Variants in LRRC8D observed in about 807,000 individuals in gnomAD.
LRRC8D encodes the protein volume-regulated anion channel subunit LRRC8D.
Under a neutral mutation model 55.8 loss-of-function variants are expected in LRRC8D, and 20 were observed. The observed-to-expected ratio is 0.36, with a 90% CI of 0.25 to 0.52. LRRC8D has a LOEUF of 0.52. Ranked by LOEUF, LRRC8D falls within the 20% of genes least tolerant of loss-of-function variation. The pLI is 0.93. For synonymous variants in LRRC8D, 352 were observed against 377.0 expected, an observed-to-expected ratio of 0.93 and a Z score of 0.77; for missense variants, 651 against 1,030.8, an observed-to-expected ratio of 0.63 and a Z score of 5.05.
rs535114886 is a variant in LRRC8D at position 89,826,199 on chromosome 1, C to CACTTTGA, written c.-148+4910_-148+4916dup. 5.3e-4 allele frequency among the ~76,000 whole-genome samples: 80 copies of CACTTTGA among 152,276 alleles called. 1 individual carries two copies. The highest frequency in any genetic ancestry group is 1.9e-3 in the African/African-American group (78 of 41,548). On this transcript the variant is annotated intron_variant, in intron 1 of 2. Coordinates refer to ENST00000337338, the MANE Select transcript of LRRC8D (RefSeq NM_001134479.2). ...CTTAGAATTAAGGATGCAGTTGTGT[C>CACTTTGA]ACTTTGAATAGAAAGAATATTATAG...
chr1:89,890,140 A>G (rs965200844), intron 2 of LRRC8D, among the ~76,000 whole-genome samples: 1 of 152,216 alleles, frequency 6.6e-6, no homozygotes, highest in Non-Finnish European at 1.5e-5. Flanking sequence ...GTGAGCCAAG[A>G]TCACGCCACT....
chr1:89,841,829 A>G (rs1661140520), intron 1 of LRRC8D, among the ~76,000 whole-genome samples: 1 of 152,224 alleles, frequency 6.6e-6, no homozygotes, highest in Non-Finnish European at 1.5e-5. Context: ...ACTGCCTACC[A>G]CAACAGCAAT....
In LRRC8D at chr1:89,843,746, G is replaced by C. The variant is rs1661199301; in HGVS notation, c.-39G>C. The C allele has an allele frequency of 6.1e-5, 43 of 699,420 alleles. 1 individual carries two copies. The South Asian group carries it at 6.2e-4, about 10-fold the overall frequency. The allele number at this position is 699,420 out of a possible 1,614,324, so 43.3% of individuals were successfully genotyped here. A position where few individuals can be genotyped will look rare whatever the true frequency, so the allele number is the denominator to read the frequency against. On this transcript the variant is annotated 5_prime_UTR_variant, in exon 2 of 3. Coordinates refer to ENST00000337338, the MANE Select transcript of LRRC8D (RefSeq NM_001134479.2). ...AGCTCGCCCAAGCCGCGTCCCCAGA[G>C]AGCGCCCTGAGAGAACAGGGTGGCC...
chr1:89,927,798 A>AC (rs1168287552), intron 2 of LRRC8D, among the ~76,000 whole-genome samples: 1 of 152,204 alleles, frequency 6.6e-6, no homozygotes, highest in Non-Finnish European at 1.5e-5. Flanking sequence ...AAAAGCTTAA[A>AC]CTAAACTTTT....
At chr1:89,851,290 A>G (rs1389382012) in intron 2 of LRRC8D, among the ~76,000 whole-genome samples, 1 of 152,078 alleles carries the variant, frequency 6.6e-6, no homozygotes, top group Admixed American at 6.5e-5. Flanking sequence ...AATACTCTTG[A>G]AAGTCTCTTA....
rs200283038 is a variant in LRRC8D, at chr1:89,877,218, TTC to T, written c.-3+33450_-3+33451del. ...TTTAGAAGAAACTTCAAACAGTTCT[TTC>T]TCTCTCTCTCTCTTTTTTTTTTTTT... On this transcript the variant is annotated intron_variant, in intron 2 of 2. Coordinates refer to ENST00000337338, the MANE Select transcript of LRRC8D (RefSeq NM_001134479.2). Among the ~76,000 whole-genome samples, 21 of 151,456 alleles carry T rather than the reference TTC, an allele frequency of 1.4e-4. No homozygotes were observed. In the East Asian group the frequency reaches 1.6e-3, roughly 11 times the overall value.
chr1:89,829,794 A>G (rs889885580), intron 1 of LRRC8D, among the ~76,000 whole-genome samples: 1 of 152,180 alleles, frequency 6.6e-6, no homozygotes. Context: ...TTATCCTGGA[A>G]TTGAGAGGGT....
intron 2 of LRRC8D, among the ~76,000 whole-genome samples, chr1:89,875,239 T>G (rs1000726217): frequency 6.6e-6 from 1 of 152,234 alleles, no homozygotes; most frequent in African/African-American, 2.4e-5. Flanking sequence ...TTTACTAGAT[T>G]TCAAATTTTA....
chr1:89,840,159 G>A (rs889124662), intron 1 of LRRC8D, among the ~76,000 whole-genome samples: 1 of 152,072 alleles, frequency 6.6e-6, no homozygotes, highest in Non-Finnish European at 1.5e-5. Context: ...ACCTGAGAGC[G>A]CATTTTTTCT....
chr1:89,826,418 C>T (rs1782125), intron 1 of LRRC8D, among the ~76,000 whole-genome samples: 56,811 of 151,768 alleles, frequency 0.37, 10,750 homozygotes, highest in Non-Finnish European at 0.4. Context: ...GCACCCGCCA[C>T]TGCACACAGC....
chr1:89,882,067 A>G (rs898579622), intron 2 of LRRC8D, among the ~76,000 whole-genome samples: 1 of 152,234 alleles, frequency 6.6e-6, no homozygotes, highest in Admixed American at 6.5e-5. Context: ...CCTCACTGCC[A>G]TCAGAGTTAG....
At chr1:89,838,196 T>TA (rs202026062) in intron 1 of LRRC8D, among the ~76,000 whole-genome samples, 21 of 79,984 alleles carry the variant, frequency 2.6e-4, no homozygotes, top group African/African-American at 6.3e-4. Flanking sequence ...CCCTGTCCCT[T>TA]AAAAAAAAAA....
At chr1:89,823,764 C>T (rs1348277258) in intron 1 of LRRC8D, among the ~76,000 whole-genome samples, 1 of 152,134 alleles carries the variant, frequency 6.6e-6, no homozygotes, top group Non-Finnish European at 1.5e-5. Flanking sequence ...ATAAGACAGG[C>T]ACACATGAGG....
In LRRC8D at chr1:89,915,948, A is replaced by G. The variant is rs753148638; in HGVS notation, c.-2-17119A>G. ...GTAACAACATACTGAATTAGAAAGC[A>G]TGTTCTCACATGAAGTTCACAAAAA... On this transcript the variant is annotated intron_variant, in intron 2 of 2. Coordinates refer to ENST00000337338, the MANE Select transcript of LRRC8D (RefSeq NM_001134479.2). 3.3e-5 allele frequency among the ~76,000 whole-genome samples: 5 copies of G among 152,234 alleles called. 1 individual carries two copies. Among genetic ancestry groups the G allele is most frequent in the Non-Finnish European group, 7.3e-5 (5 of 68,030 alleles).
chr1:89,901,688 G>A (rs755177913), intron 2 of LRRC8D, among the ~76,000 whole-genome samples: 21 of 152,172 alleles, frequency 1.4e-4, no homozygotes, highest in Non-Finnish European at 2.8e-4. Flanking sequence ...AGCAGACACC[G>A]TGCTCAAATA....
intron 2 of LRRC8D, among the ~76,000 whole-genome samples, chr1:89,899,316 A>T (rs560026034): frequency 6.6e-6 from 1 of 152,306 alleles, no homozygotes; most frequent in South Asian, 2.1e-4. Context: ...AACCAATCCC[A>T]TTCTGCCGGT....
Position 89,885,873 on chromosome 1 carries a change from A to G in LRRC8D, c.-3+42091A>G, listed in dbSNP as rs781147597. On this transcript the variant is annotated intron_variant, in intron 2 of 2. Transcript: ENST00000337338. ...ATGGGCAAGGAGTCATTTTAAGTTC[A>G]CTCCCTGGTTTCCTTTACATCAGTT... Among the ~76,000 whole-genome samples the G allele has an allele frequency of 5.3e-5, 8 of 151,786 alleles. No individual in the cohort carries two copies. In the South Asian group the frequency reaches 6.2e-4, roughly 12 times the overall value.
At chr1:89,847,434 G>T (rs1661307693) in intron 2 of LRRC8D, among the ~76,000 whole-genome samples, 1 of 152,138 alleles carries the variant, frequency 6.6e-6, no homozygotes, top group African/African-American at 2.4e-5. Context: ...TACATGTATG[G>T]TTCCTTAATA....
intron 2 of LRRC8D, among the ~76,000 whole-genome samples, chr1:89,914,510 A>ACTGTCACCTCT (rs11270435): frequency 0.29 from 44,506 of 151,998 alleles, 6,803 homozygotes; most frequent in African/African-American, 0.38. Flanking sequence ...CTGCCAGCAC[A>ACTGTCACCTCT]CAATGTGACT....
Sources: allele counts gnomAD v4.1 joint callset (sites outside exome capture counted in the v4.1 genomes callset), GRCh38; gene constraint gnomAD v4.1.1; transcripts MANE v1.5; gene names NCBI Gene and HGNC (gene_info 2026-07-23, HGNC 2026-07-21).